Variants in RBFOX2 observed in about 807,000 individuals in gnomAD.
RBFOX2 encodes RNA binding fox-1 homolog 2.
A neutral mutation model predicts 49.1 loss-of-function variants in RBFOX2; 10 were observed. The ratio of observed to expected loss-of-function variants is 0.20; its 90% confidence interval spans 0.13 to 0.35. RBFOX2 has a LOEUF of 0.35. Among genes scored for constraint, RBFOX2 ranks in the 10% least tolerant of loss-of-function variants. RBFOX2 has a pLI of 1.00. For missense variants in RBFOX2, 323 were observed against 486.9 expected (o/e 0.66, Z 3.17); for synonymous variants, 183 against 187.4 (o/e 0.98, Z 0.19).
At chr22:35,847,654 T>C (rs2041388839) in intron 1 of RBFOX2, among the ~76,000 whole-genome samples, 1 of 152,078 alleles carries the variant, frequency 6.6e-6, no homozygotes, top group Non-Finnish European at 1.5e-5. Flanking sequence ...AATTTAAAAT[T>C]GTTTTTTTTT....
rs550752428 is a variant in RBFOX2, at chr22:35,791,023, C to A, written c.253-9277G>T. ...ACCCTGTCTCAAAACAAAAAACAAA[C>A]ACACACACACACAAAAAAAGCAAGC... On this transcript the variant is annotated intron_variant, in intron 2 of 11. Transcript: ENST00000405409. Among the ~76,000 whole-genome samples, 18 of 150,958 alleles carry A rather than the reference C, an allele frequency of 1.2e-4. No homozygotes were observed. The South Asian group carries it at 2.5e-3, about 21-fold the overall frequency.
At chr22:35,864,247 A>AT (rs2149115191) in intron 1 of RBFOX2, among the ~76,000 whole-genome samples, 1 of 152,340 alleles carries the variant, frequency 6.6e-6, no homozygotes, top group Admixed American at 6.5e-5. Flanking sequence ...TACACTTTTT[A>AT]TATCTAGGAA....
intron 1 of RBFOX2, among the ~76,000 whole-genome samples, chr22:35,855,892 A>G (rs1311591609): frequency 6.6e-6 from 1 of 151,890 alleles, no homozygotes; most frequent in Non-Finnish European, 1.5e-5. Flanking sequence ...CTGTAGTCCC[A>G]GGTACTCGGG....
At chr22:35,801,279 T>G (rs562533509) in intron 2 of RBFOX2, among the ~76,000 whole-genome samples, 12 of 152,178 alleles carry the variant, frequency 7.9e-5, no homozygotes, top group Non-Finnish European at 1.5e-4. Flanking sequence ...TACTAGACCA[T>G]TGTTTTTAAT....
chr22:35,958,033 T>C (rs2055781377), intron 1 of RBFOX2, among the ~76,000 whole-genome samples: 1 of 152,140 alleles, frequency 6.6e-6, no homozygotes, highest in Admixed American at 6.5e-5. Context: ...TCTGCAACAT[T>C]CAAAAAAGTC....
intron 1 of RBFOX2, among the ~76,000 whole-genome samples, chr22:35,820,274 G>A (rs565672753): frequency 3.9e-5 from 6 of 152,300 alleles, no homozygotes; most frequent in South Asian, 4.2e-4. Context: ...GTTGGGAGGC[G>A]ACCCTGATAA....
At chr22:35,846,000 A>C (rs1470759612) in intron 1 of RBFOX2, among the ~76,000 whole-genome samples, 1 of 151,386 alleles carries the variant, frequency 6.6e-6, no homozygotes, top group Non-Finnish European at 1.5e-5. Flanking sequence ...AAATTATATA[A>C]ACTTGCATGT....
chr22:35,834,118 G>A (rs892309813), intron 1 of RBFOX2, among the ~76,000 whole-genome samples: 1 of 152,188 alleles, frequency 6.6e-6, no homozygotes, highest in South Asian at 2.1e-4. Context: ...TACCTACAAG[G>A]GGCATTAGAG....
At chr22:35,921,046 ATTAAT>A (rs2050965650) in intron 1 of RBFOX2, among the ~76,000 whole-genome samples, 1 of 152,260 alleles carries the variant, frequency 6.6e-6, no homozygotes, top group East Asian at 1.9e-4. Flanking sequence ...TTAAAAAAGA[ATTAAT>A]TTAAAGATTG....
intron 1 of RBFOX2, among the ~76,000 whole-genome samples, chr22:35,899,055 T>G (rs1435670141): frequency 6.6e-6 from 1 of 151,784 alleles, no homozygotes; most frequent in Non-Finnish European, 1.5e-5. Flanking sequence ...GAGGCAGAGG[T>G]TGCGGTGAGC....
intron 4 of RBFOX2, among the ~76,000 whole-genome samples, chr22:35,772,586 T>C (rs1942965614): frequency 6.6e-6 from 1 of 152,178 alleles, no homozygotes; most frequent in Admixed American, 6.5e-5. Context: ...CACTTTATAC[T>C]CCTCTAAGTT....
At chr22:35,760,846 C>T (rs751580685) in intron 8 of RBFOX2, among the ~76,000 whole-genome samples, 3 of 152,176 alleles carry the variant, frequency 2.0e-5, no homozygotes, top group Non-Finnish European at 4.4e-5. Flanking sequence ...ACTGGAAGTA[C>T]TTCTAAGTGA....
intron 1 of RBFOX2, among the ~76,000 whole-genome samples, chr22:36,027,727 A>G (rs532593171): frequency 5.3e-5 from 8 of 151,920 alleles, no homozygotes; most frequent in African/African-American, 1.5e-4. Flanking sequence ...TTAACCCACA[A>G]TCTCAGCCAC....
At chr22:36,027,042 G>A (rs1050010213) in intron 1 of RBFOX2, among the ~76,000 whole-genome samples, 1 of 152,078 alleles carries the variant, frequency 6.6e-6, no homozygotes, top group African/African-American at 2.4e-5. Flanking sequence ...AGCTAACTGG[G>A]TGGCCTTACC....
exon 2 of RBFOX2, chr22:35,809,975 G>T: frequency 6.2e-7 from 1 of 1,614,132 alleles, no homozygotes; most frequent in African/African-American, 1.3e-5. Flanking sequence ...GAACCATTGC[G>T]TCAGGAGTTG....
At chr22:35,843,821 T>C (rs2040828096), upstream of RBFOX2, among the ~76,000 whole-genome samples, 1 of 152,156 alleles carries the variant, frequency 6.6e-6, no homozygotes, top group South Asian at 2.1e-4. Context: ...GGCACCCCAG[T>C]AGAAATTTTT....
chr22:35,918,700 G>C (rs1166085251), intron 1 of RBFOX2, among the ~76,000 whole-genome samples: 3 of 151,710 alleles, frequency 2.0e-5, no homozygotes, highest in Non-Finnish European at 4.4e-5. Flanking sequence ...TATTGTAGGG[G>C]GCAATGGTGC....
At chr22:35,973,107 CAGAG>C (rs1040825816) in intron 1 of RBFOX2, among the ~76,000 whole-genome samples, 1 of 152,102 alleles carries the variant, frequency 6.6e-6, no homozygotes, top group Admixed American at 6.5e-5. Flanking sequence ...CTACAGGCAA[CAGAG>C]AGAGATGTTC....
intron 6 of RBFOX2, among the ~76,000 whole-genome samples, chr22:35,762,979 A>C (rs1568977472): frequency 6.6e-6 from 1 of 152,220 alleles, no homozygotes; most frequent in Non-Finnish European, 1.5e-5. Flanking sequence ...TTCTGGCAAA[A>C]TCTAGGTTCA....
Sources: allele counts gnomAD v4.1 joint callset (sites outside exome capture counted in the v4.1 genomes callset), GRCh38; gene constraint gnomAD v4.1.1; transcripts MANE v1.5; gene names NCBI Gene and HGNC (gene_info 2026-07-23, HGNC 2026-07-21).